ZKSCAN5: variants seen among roughly 807,000 people sequenced by gnomAD.
ZKSCAN5 encodes zinc finger protein with KRAB and SCAN domains 5.
ZKSCAN5 carries 28 observed loss-of-function variants against 60.0 expected under a neutral mutation model. That is an observed-to-expected ratio of 0.47 (90% CI 0.35 to 0.64). The LOEUF is 0.64. ZKSCAN5 is among the 30% of genes least tolerant of loss of function. The pLI is 0.01. For missense variants in ZKSCAN5, 881 were observed against 1,034.6 expected, an observed-to-expected ratio of 0.85 and a Z score of 2.04; for synonymous variants, 361 against 371.2, an observed-to-expected ratio of 0.97 and a Z score of 0.31.
rs1239867522 is a variant in ZKSCAN5 at position 99,533,050 on chromosome 7, G to C, written c.*801G>C. ...AGCAGAGAAGACAGGCAAAGTTGTG[G>C]ACTGTTTGATCTTGTATTACCCACA... On this transcript the variant is annotated 3_prime_UTR_variant, in exon 7 of 7. Coordinates refer to ENST00000326775, the MANE Select transcript of ZKSCAN5 (RefSeq NM_145102.4). The C allele has an allele frequency of 7.7e-6, 2 of 259,818 alleles. No individual in the cohort carries two copies. Among genetic ancestry groups the C allele is most frequent in the African/African-American group, 4.4e-5 (2 of 45,924 alleles). 16.1% of individuals were successfully genotyped at this position (259,818 alleles called of 1,614,324 possible).
chr7:99,510,942 C>T (rs1340149281), intron 2 of ZKSCAN5, among the ~76,000 whole-genome samples: 2 of 152,018 alleles, frequency 1.3e-5, no homozygotes, highest in Non-Finnish European at 2.9e-5. Flanking sequence ...TGTGGTCTCG[C>T]CATGTTGCCC....
rs1163559970 is a variant in ZKSCAN5 at position 99,526,405 on chromosome 7, G to A, written c.1365G>A (p.Glu455=). Residue 455 remains glutamate (E), a synonymous_variant, in exon 6 of 7, where the codon GAG becomes GAA. Coordinates refer to ENST00000326775, the MANE Select transcript of ZKSCAN5 (RefSeq NM_145102.4). ...LIEHLKRHFR[E]KSQRCSDKRS... ...AACACCTAAAACGCCACTTCAGGGA[G>A]AAATCCCAGAGATGTACGTGTGAGG... is the stretch of plus-strand genomic sequence containing the variant. 8.1e-6 allele frequency: 13 copies of A among 1,599,248 alleles called. No individual in the cohort carries two copies. Among genetic ancestry groups the A allele is most frequent in the African/African-American group, 1.3e-5 (1 of 74,896 alleles).
intron 2 of ZKSCAN5, among the ~76,000 whole-genome samples, chr7:99,509,506 G>C (rs908532176): frequency 1.4e-5 from 2 of 146,588 alleles, no homozygotes; most frequent in African/African-American, 2.5e-5. Context: ...TCACTCTGTT[G>C]CCTAGGCTGG....
Position 99,532,053 on chromosome 7 carries a change from G to A in ZKSCAN5, c.2324G>A (p.Cys775Tyr). 6.2e-7 allele frequency: 1 copy of A among 1,614,194 alleles called. No homozygotes were observed. The highest frequency in any genetic ancestry group is 8.5e-7 in the Non-Finnish European group (1 of 1,180,046). Residue 775 changes from cysteine (C) to tyrosine (Y), a missense_variant, in exon 7 of 7, where the codon TGT (cysteine) becomes TAT (tyrosine). Around this residue, in one of 5 missense-constraint regions of ZKSCAN5, gnomAD observed 138 missense variants for 143.8 expected, o/e 0.96. Coordinates refer to ENST00000326775, the MANE Select transcript of ZKSCAN5 (RefSeq NM_145102.4). ...TACTCCAGCACAAAATCCCATCAAT[G>A]TCATGAATGTGGCAGAGGCTTCACT... ...KIYSSTKSHQ[C>Y]HECGRGFTLK...
Position 99,514,076 on chromosome 7 carries a change from T to G in ZKSCAN5, c.553+1485T>G, listed in dbSNP as rs1801161303. Reference sequence around the variant, plus strand: ...AGAAAAGAATACTGTCACACAATGCTTTTAGCAAATTTAGTCCTTCTAGCA... The same window carrying G: ...AGAAAAGAATACTGTCACACAATGCGTTTAGCAAATTTAGTCCTTCTAGCA... On this transcript the variant is annotated intron_variant, in intron 3 of 6. Coordinates refer to ENST00000326775, the MANE Select transcript of ZKSCAN5 (RefSeq NM_145102.4). Among the ~76,000 whole-genome samples, 9 of 152,212 alleles carry G rather than the reference T, an allele frequency of 5.9e-5. No individual in the cohort carries two copies. The South Asian group carries it at 1.9e-3, about 32-fold the overall frequency.
chr7:99,512,677 C>G, intron 3 of ZKSCAN5, 86 bp downstream of exon 3: 1 of 1,499,424 alleles, frequency 6.7e-7, no homozygotes, highest in Non-Finnish European at 8.9e-7. Context: ...GGGAGAGAGA[C>G]TCTAGGCTGA....
chr7:99,520,373 C>G (rs1392156279), intron 5 of ZKSCAN5, 69 bp downstream of exon 5: 2 of 1,488,114 alleles, frequency 1.3e-6, no homozygotes, highest in South Asian at 2.8e-5. Flanking sequence ...GTATTTCTGG[C>G]TCATCTTATA....
chr7:99,509,924 G>A (rs878941334), intron 2 of ZKSCAN5, among the ~76,000 whole-genome samples: 2 of 151,904 alleles, frequency 1.3e-5, no homozygotes, highest in African/African-American at 2.4e-5. Context: ...GTTTGTGTTC[G>A]CTTGTGGAGG....
chr7:99,521,119 A>G (rs1370796849), intron 5 of ZKSCAN5, among the ~76,000 whole-genome samples: 1 of 152,110 alleles, frequency 6.6e-6, no homozygotes, highest in Non-Finnish European at 1.5e-5. Context: ...TTTTTAGTAA[A>G]TTCTTTTAGA....
rs1378574726 is a variant in ZKSCAN5, at chr7:99,504,748, A to G, written c.-41+15A>G. ...GTGGTCAAGAGGTGGGTTTGTTTGG[A>G]AAGTGGGTGGTGAGAGTAGCGAGGA... On this transcript the variant is annotated intron_variant, in intron 1 of 6. Transcript: ENST00000326775. 1 of 152,370 alleles carries G rather than the reference A, an allele frequency of 6.6e-6. No homozygotes were observed. The highest frequency in any genetic ancestry group is 2.4e-5 in the African/African-American group (1 of 41,428). 9.4% of individuals were successfully genotyped at this position (152,370 alleles called of 1,614,324 possible).
chr7:99,519,951 A>T, intron 4 of ZKSCAN5, 42 bp downstream of exon 4: 1 of 1,603,142 alleles, frequency 6.2e-7, no homozygotes, highest in Non-Finnish European at 8.5e-7. Flanking sequence ...ACCCATCCTG[A>T]ACCTTCACCA....
intron 2 of ZKSCAN5, among the ~76,000 whole-genome samples, chr7:99,507,982 G>A (rs192394707): frequency 3.2e-4 from 48 of 152,032 alleles, no homozygotes; most frequent in African/African-American, 1.0e-3. Context: ...AGGAATGCTT[G>A]AAACTCAAAA....
intron 6 of ZKSCAN5, among the ~76,000 whole-genome samples, chr7:99,530,523 G>A (rs1038993415): frequency 1.0e-4 from 15 of 150,272 alleles, no homozygotes; most frequent in African/African-American, 3.7e-4. Context: ...TTTTTTTCTT[G>A]TTGACTTGTT....
At chr7:99,516,449 CT>C (rs1292365325) in intron 3 of ZKSCAN5, among the ~76,000 whole-genome samples, 1 of 152,108 alleles carries the variant, frequency 6.6e-6, no homozygotes, top group Non-Finnish European at 1.5e-5. Context: ...TTGTCCCGTC[CT>C]TTTTGTGTCA....
In ZKSCAN5 at chr7:99,513,348, C is replaced by T. The variant is rs190771302; in HGVS notation, c.553+757C>T. Among the ~76,000 whole-genome samples, 16 of 152,176 alleles carry T rather than the reference C, an allele frequency of 1.1e-4. No individual in the cohort carries two copies. In the East Asian group the frequency reaches 2.1e-3, roughly 20 times the overall value. Reference sequence around the variant, plus strand: ...TACAGGGACTGTTAAAAGATCTACACGTCTTTTACAAAAGTATCACAGATT... The same window carrying T: ...TACAGGGACTGTTAAAAGATCTACATGTCTTTTACAAAAGTATCACAGATT... On this transcript the variant is annotated intron_variant, in intron 3 of 6. Coordinates refer to ENST00000326775, the MANE Select transcript of ZKSCAN5 (RefSeq NM_145102.4).
intron 6 of ZKSCAN5, 127 bp downstream of exon 6, chr7:99,526,545 G>A (rs901409072): frequency 8.4e-6 from 12 of 1,421,980 alleles, no homozygotes; most frequent in Middle Eastern, 1.8e-4. Flanking sequence ...AAAGGTTATC[G>A]TTTATTTGGT....
rs749315114 is a variant in ZKSCAN5, at chr7:99,532,217, AAT to A, written c.2490_2491del (p.Thr831LeufsTer11). Reference protein sequence around the residue: ...LRSHERTDPINTLSVEGSLL With the variant: ...LRSHERTDPIXTLSVEGSLL The stretch of plus-strand genomic sequence containing the variant: ...AAGCCATGAGAGGACAGATCCCATA[AAT>A]ACCTTAAGTGTAGAGGGGTCTCTGT... On this transcript the variant is annotated frameshift_variant, in exon 7 of 7. Transcript: ENST00000326775. LOFTEE classifies it low-confidence loss of function (END_TRUNC). 4 of 1,604,700 alleles carry A rather than the reference AAT, an allele frequency of 2.5e-6. No individual in the cohort carries two copies. The Admixed American group carries it at 6.9e-5, about 28-fold the overall frequency.
intron 3 of ZKSCAN5, chr7:99,513,825 C>A: frequency 4.6e-6 from 1 of 215,164 alleles, no homozygotes; most frequent in Non-Finnish European, 1.0e-5. Flanking sequence ...GTCAGGAGTT[C>A]AAGACCAGCC....
At chr7:99,506,538 C>G in intron 2 of ZKSCAN5, 80 bp downstream of exon 2, 1 of 1,466,548 alleles carries the variant, frequency 6.8e-7, no homozygotes. Context: ...TCTTAGTCCT[C>G]TGCTGCTTCA....
Sources: allele counts gnomAD v4.1 joint callset (sites outside exome capture counted in the v4.1 genomes callset), GRCh38; gene constraint gnomAD v4.1.1; regional missense constraint gnomAD v4.1.1; transcripts MANE v1.5; gene names NCBI Gene and HGNC (gene_info 2026-07-23, HGNC 2026-07-21).